AMBP: variants seen among roughly 807,000 people sequenced by gnomAD.
The protein encoded by AMBP is alpha-1-microglobulin/bikunin precursor.
A neutral mutation model predicts 46.3 loss-of-function variants in AMBP; 37 were observed. That is an observed-to-expected ratio of 0.80 (90% CI 0.61 to 1.05). AMBP has a LOEUF of 1.05. Ranked by LOEUF, AMBP falls within the 50% of genes least tolerant of loss-of-function variation. The probability of loss-of-function intolerance (pLI) is 0.00; values close to 1 mark genes in which losing one functional copy is unlikely to be tolerated. For synonymous variants in AMBP, 174 were observed against 175.9 expected, an observed-to-expected ratio of 0.99 and a Z score of 0.09; for missense variants, 475 against 461.2, an observed-to-expected ratio of 1.03 and a Z score of -0.27.
At chr9:114,073,250 CTTT>C (rs140782864) in intron 4 of AMBP, among the ~76,000 whole-genome samples, 1 of 145,874 alleles carries the variant, frequency 6.9e-6, no homozygotes, top group Non-Finnish European at 1.5e-5. Context: ...GACTCTTCCC[CTTT>C]TTTTTTTTTT....
intron 5 of AMBP, 38 bp downstream of exon 5, chr9:114,072,887 G>T: frequency 6.3e-7 from 1 of 1,595,186 alleles, no homozygotes; most frequent in Non-Finnish European, 8.6e-7. Flanking sequence ...AAGGGACGAA[G>T]AGGGGACAGG....
intron 9 of AMBP, 127 bp downstream of exon 9, chr9:114,060,798 T>C: frequency 1.8e-6 from 2 of 1,119,964 alleles, no homozygotes; most frequent in Non-Finnish European, 2.5e-6. Flanking sequence ...TTTCAGAGAG[T>C]AGATGGGCTG....
At chr9:114,075,234 A>G (rs1395915476) in intron 2 of AMBP, among the ~76,000 whole-genome samples, 198 bp from the exon 3 acceptor site, 1 of 152,146 alleles carries the variant, frequency 6.6e-6, no homozygotes, top group African/African-American at 2.4e-5. Flanking sequence ...AGAGACCCCC[A>G]TTTTCCATAT....
intron 8 of AMBP, 139 bp downstream of exon 8, chr9:114,061,285 T>C (rs1445493633): frequency 6.9e-7 from 1 of 1,453,996 alleles, no homozygotes; most frequent in East Asian, 2.3e-5. Flanking sequence ...AAGGTGGAAT[T>C]CCTAAGATTT....
intron 5 of AMBP, among the ~76,000 whole-genome samples, chr9:114,071,220 G>T (rs1403610814): frequency 6.6e-6 from 1 of 152,198 alleles, no homozygotes; most frequent in African/African-American, 2.4e-5. Flanking sequence ...GCCCAGGAAG[G>T]TCCCCTGCCC....
chr9:114,061,472 T>TA lies in AMBP; in HGVS notation c.804dup (p.Asn269Ter), dbSNP rs1846637713. The TA allele has an allele frequency of 1.2e-6, 2 of 1,614,020 alleles. No homozygotes were observed. The highest frequency in any genetic ancestry group is 1.1e-5 in the South Asian group (1 of 91,088). On this transcript the variant is annotated frameshift_variant, in exon 8 of 10. Coordinates refer to ENST00000265132, the MANE Select transcript of AMBP (RefSeq NM_001633.4). LOFTEE classifies it high-confidence loss of function. ...CACTCCTTTTCTGTGACGAAGTTGT[T>TA]ACCGTTGCCCATGCAGCCGCCGTAC...
chr9:114,062,250 G>T (rs1400278536), intron 7 of AMBP, among the ~76,000 whole-genome samples: 1 of 152,204 alleles, frequency 6.6e-6, no homozygotes, highest in Admixed American at 6.5e-5. Flanking sequence ...TTCAGTGTTT[G>T]TTTGCTGATC....
chr9:114,066,266 G>A (rs1386617240), intron 6 of AMBP, among the ~76,000 whole-genome samples: 1 of 152,172 alleles, frequency 6.6e-6, no homozygotes, highest in Non-Finnish European at 1.5e-5. Context: ...GTTGGTCCTG[G>A]GGAACCCAAC....
At chr9:114,076,817 C>T (rs944173819) in intron 1 of AMBP, 77 bp from the exon 2 acceptor site, 3 of 1,517,946 alleles carry the variant, frequency 2.0e-6, no homozygotes, top group Non-Finnish European at 2.7e-6. Context: ...CTGCTCCCCA[C>T]CCTCCACCTC....
intron 2 of AMBP, 54 bp downstream of exon 2, chr9:114,076,544 A>G: frequency 6.3e-7 from 1 of 1,595,398 alleles, no homozygotes; most frequent in Non-Finnish European, 8.5e-7. Context: ...GGGGCTGGGA[A>G]GGTTGTGGGT....
intron 6 of AMBP, among the ~76,000 whole-genome samples, chr9:114,063,467 G>A (rs1846662851): frequency 6.6e-6 from 1 of 152,226 alleles, no homozygotes; most frequent in South Asian, 2.1e-4. Context: ...GACTTTCACT[G>A]TCTTCCAGAC....
At chr9:114,060,893 G>A (rs368024846) in intron 9 of AMBP, 32 bp downstream of exon 9, 18 of 1,596,212 alleles carry the variant, frequency 1.1e-5, no homozygotes, top group South Asian at 2.3e-5. Flanking sequence ...ACAGCCCCTC[G>A]GCCCAGCCTG....
chr9:114,068,364 C>A lies in AMBP; in HGVS notation c.603+1335G>T, dbSNP rs574490750. Among the ~76,000 whole-genome samples the A allele has an allele frequency of 2.0e-5, 3 of 152,148 alleles. No homozygotes were observed. The South Asian group carries it at 6.2e-4, about 32-fold the overall frequency. ...CCTGTAATCCCAGCACTTTGGGAGA[C>A]CAAAGCGGGTAGATCTTCTGAGGTC... is the stretch of plus-strand genomic sequence containing the variant. On this transcript the variant is annotated intron_variant, in intron 6 of 9. Coordinates refer to ENST00000265132, the MANE Select transcript of AMBP (RefSeq NM_001633.4).
intron 2 of AMBP, 109 bp from the exon 3 acceptor site, chr9:114,075,145 T>A: frequency 1.2e-6 from 1 of 802,184 alleles, no homozygotes; most frequent in Non-Finnish European, 2.0e-6. Context: ...GGGGTTTTTT[T>A]GTTTGTGTGT....
intron 6 of AMBP, among the ~76,000 whole-genome samples, chr9:114,065,108 A>T (rs1159922460): frequency 6.6e-6 from 1 of 152,206 alleles, no homozygotes; most frequent in Non-Finnish European, 1.5e-5. Flanking sequence ...CCCATCCAGA[A>T]CATTCAGCAG....
chr9:114,061,843 G>A (rs1396683996), intron 7 of AMBP, among the ~76,000 whole-genome samples: 1 of 151,936 alleles, frequency 6.6e-6, no homozygotes, highest in Non-Finnish European at 1.5e-5. Context: ...TGAACCACAG[G>A]CCCACTGTCC....
intron 5 of AMBP, among the ~76,000 whole-genome samples, chr9:114,070,477 C>T (rs1310167217): frequency 3.3e-5 from 5 of 152,204 alleles, no homozygotes; most frequent in African/African-American, 7.2e-5. Flanking sequence ...TGACAGCCCC[C>T]GGAGCCCACC....
chr9:114,060,701 T>A (rs573654348), intron 9 of AMBP, among the ~76,000 whole-genome samples: 54 of 152,288 alleles, frequency 3.5e-4, no homozygotes, highest in Non-Finnish European at 4.4e-5. Context: ...CACTCCTCAG[T>A]CAGCCCTGCA....
intron 6 of AMBP, among the ~76,000 whole-genome samples, chr9:114,065,743 G>A (rs1186822368): frequency 6.6e-6 from 1 of 151,920 alleles, no homozygotes; most frequent in Non-Finnish European, 1.5e-5. Context: ...GGTGGGATTG[G>A]GCTCAAATTT....
Sources: gnomAD v4.1 joint callset for allele counts (sites outside exome capture counted in the v4.1 genomes callset) on GRCh38, gnomAD v4.1.1 for gene constraint, MANE v1.5 for transcripts, NCBI Gene and HGNC (gene_info 2026-07-23, HGNC 2026-07-21) for gene names.